The following QTMAN variants were observed in gnomAD, a reference collection of about 807,000 sequenced individuals.
QTMAN encodes tRNA-queuosine alpha-mannosyltransferase.
the QTMAN span, among the ~76,000 whole-genome samples, chr2:144,121,028 G>A: frequency 6.1e-3 from 927 of 152,098 alleles, 15 homozygotes; most frequent in African/African-American, 0.021. Context: ...CATTTAAAGG[G>A]AACAGCTAAG....
At chr2:144,213,992 T>C in the QTMAN span, among the ~76,000 whole-genome samples, 3 of 152,098 alleles carry the variant, frequency 2.0e-5, no homozygotes, top group Admixed American at 2.0e-4. Flanking sequence ...AAAGTTAGTA[T>C]TACCTTCCAG....
chr2:144,111,052 CCAAGAGCAGTTTCTT>C, the QTMAN span, among the ~76,000 whole-genome samples: 2 of 152,152 alleles, frequency 1.3e-5, no homozygotes, highest in Non-Finnish European at 2.9e-5. Context: ...AGAAAATCAG[CCAAGAGCAGTTTCTT>C]CACCCTACTG....
At chr2:144,314,972 A>C in the QTMAN span, among the ~76,000 whole-genome samples, 1 of 151,928 alleles carries the variant, frequency 6.6e-6, no homozygotes, top group Non-Finnish European at 1.5e-5. Context: ...TGCAACCTCC[A>C]CCTCCAGGGT....
At chr2:144,090,160 C>A in the QTMAN span, among the ~76,000 whole-genome samples, 1 of 151,910 alleles carries the variant, frequency 6.6e-6, no homozygotes, top group Non-Finnish European at 1.5e-5. Flanking sequence ...TGATGACATC[C>A]AATATCCACT....
the QTMAN span, among the ~76,000 whole-genome samples, chr2:144,207,547 C>T: frequency 6.6e-6 from 1 of 152,256 alleles, no homozygotes; most frequent in East Asian, 1.9e-4. Context: ...TTCATTCCTG[C>T]CCAAACCAAT....
chr2:144,094,402 C>T, the QTMAN span, among the ~76,000 whole-genome samples: 3 of 152,010 alleles, frequency 2.0e-5, no homozygotes, highest in African/African-American at 4.8e-5. Flanking sequence ...GGTATTAGTC[C>T]GTTCTCATAC....
the QTMAN span, among the ~76,000 whole-genome samples, chr2:144,112,820 T>C: frequency 6.6e-6 from 1 of 151,864 alleles, no homozygotes; most frequent in African/African-American, 2.4e-5. Flanking sequence ...TAATGGAGAG[T>C]TGAGACTTTT....
At chr2:144,131,885 A>G in the QTMAN span, among the ~76,000 whole-genome samples, 1 of 151,932 alleles carries the variant, frequency 6.6e-6, no homozygotes, top group Non-Finnish European at 1.5e-5. Context: ...GGGGATTGGT[A>G]AAGATGAAAA....
chr2:144,303,107 CA>C, the QTMAN span, among the ~76,000 whole-genome samples: 5 of 148,080 alleles, frequency 3.4e-5, no homozygotes, highest in African/African-American at 9.9e-5. Flanking sequence ...AACTCATCTC[CA>C]AAAAAAAAGA....
the QTMAN span, among the ~76,000 whole-genome samples, chr2:144,144,894 T>C: frequency 2.6e-5 from 4 of 151,864 alleles, no homozygotes; most frequent in Non-Finnish European, 5.9e-5. Flanking sequence ...GTTATGTGAA[T>C]AGGATCCAAT....
the QTMAN span, among the ~76,000 whole-genome samples, chr2:144,162,494 A>C: frequency 6.6e-6 from 1 of 152,314 alleles, no homozygotes; most frequent in East Asian, 1.9e-4. Flanking sequence ...CAGAACTGGC[A>C]GGAACTAAGG....
the QTMAN span, among the ~76,000 whole-genome samples, chr2:143,947,474 C>CACGTAACACTGTACATACAGTA: frequency 3.3e-5 from 5 of 152,240 alleles, no homozygotes; most frequent in Non-Finnish European, 7.4e-5. Flanking sequence ...CTTATATAAA[C>CACGTAACACTGTACATACAGTA]ACAAGACACG....
At chr2:144,159,994 A>T in the QTMAN span, among the ~76,000 whole-genome samples, 1 of 152,128 alleles carries the variant, frequency 6.6e-6, no homozygotes, top group Non-Finnish European at 1.5e-5. Flanking sequence ...ACAAAAAAAT[A>T]AAAATTCCAT....
chr2:144,129,984 G>A, the QTMAN span, among the ~76,000 whole-genome samples: 4 of 151,194 alleles, frequency 2.6e-5, no homozygotes, highest in Admixed American at 6.6e-5. Context: ...TTTGTAAATG[G>A]ATTTGAGACA....
chr2:143,939,158 T>C, the QTMAN span: 5 of 152,252 alleles, frequency 3.3e-5, no homozygotes, highest in African/African-American at 1.2e-4. Context: ...TTTCTCCTTC[T>C]GTAAAATAAG....
chr2:144,316,368 T>G, the QTMAN span, among the ~76,000 whole-genome samples: 1 of 152,226 alleles, frequency 6.6e-6, no homozygotes. Flanking sequence ...CTTATTTTAA[T>G]GAGCTTCATG....
At chr2:144,198,942 C>T in the QTMAN span, among the ~76,000 whole-genome samples, 76 of 152,190 alleles carry the variant, frequency 5.0e-4, 1 homozygote, top group East Asian at 0.014. Flanking sequence ...CTTCCTTTTC[C>T]TACAGTGCTC....
the QTMAN span, among the ~76,000 whole-genome samples, chr2:144,225,045 CA>C: frequency 2.0e-5 from 3 of 152,160 alleles, no homozygotes; most frequent in Admixed American, 2.0e-4. Flanking sequence ...CATAACTATT[CA>C]AATTCTCCTT....
chr2:143,958,551 G>A, the QTMAN span, among the ~76,000 whole-genome samples: 1 of 152,060 alleles, frequency 6.6e-6, no homozygotes, highest in Non-Finnish European at 1.5e-5. Flanking sequence ...CATCTATAGT[G>A]TAAAAGCAGC....
Sources: gnomAD v4.1 joint callset for allele counts (sites outside exome capture counted in the v4.1 genomes callset) on GRCh38, gnomAD v4.1.1 for gene constraint, MANE v1.5 for transcripts, NCBI Gene and HGNC (gene_info 2026-07-23, HGNC 2026-07-21) for gene names.